XKR6: variants seen among roughly 807,000 people sequenced by gnomAD.
The protein encoded by XKR6 is XK-related protein 6.
In XKR6, 22 loss-of-function variants were observed where a neutral mutation model predicts 56.7. That is an observed-to-expected ratio of 0.39 (90% CI 0.28 to 0.55). The LOEUF (loss-of-function observed/expected upper bound fraction) is 0.55. Ranked by LOEUF, XKR6 falls within the 20% of genes least tolerant of loss-of-function variation. XKR6 has a pLI of 0.66. For synonymous variants in XKR6, 524 were observed against 387.8 expected, an observed-to-expected ratio of 1.35 and a Z score of -4.13; for missense variants, 852 against 889.0, an observed-to-expected ratio of 0.96 and a Z score of 0.53.
intron 1 of XKR6, chr8:11,105,140 G>A (rs917268949): frequency 6.6e-6 from 1 of 152,082 alleles, no homozygotes; most frequent in Non-Finnish European, 1.5e-5. Context: ...GGTCCTCTAG[G>A]CAGAACTGAG....
intron 1 of XKR6, chr8:11,194,389 A>G (rs1803753158): frequency 6.6e-6 from 1 of 152,226 alleles, no homozygotes; most frequent in Non-Finnish European, 1.5e-5. Context: ...TATCTCCAAT[A>G]GCGGTAAGCA....
intron 1 of XKR6, among the ~76,000 whole-genome samples, chr8:11,063,822 C>A (rs1799909411): frequency 1.3e-5 from 2 of 152,312 alleles, no homozygotes; most frequent in Admixed American, 1.3e-4. Context: ...AGATACTCTC[C>A]ATTTGCTGTT....
At chr8:11,126,734 T>C (rs905466785) in intron 1 of XKR6, among the ~76,000 whole-genome samples, 22 of 152,184 alleles carry the variant, frequency 1.4e-4, no homozygotes, top group African/African-American at 4.3e-4. Context: ...AACTGAACCA[T>C]TGGACTAAAA....
intron 1 of XKR6, chr8:11,114,005 C>T (rs1028305011): frequency 4.3e-5 from 17 of 394,928 alleles, no homozygotes; most frequent in South Asian, 2.1e-4. Context: ...GGTTTCAGGA[C>T]GAGGCGATCG....
rs566240862 is a variant in XKR6 at position 11,165,513 on chromosome 8, G to T, written c.764+35063C>A. Among the ~76,000 whole-genome samples, 18 of 152,236 alleles carry T rather than the reference G, an allele frequency of 1.2e-4. No homozygotes were observed. In the South Asian group the frequency reaches 3.7e-3, roughly 32 times the overall value. On this transcript the variant is annotated intron_variant, in intron 1 of 2. Coordinates refer to ENST00000416569, the MANE Select transcript of XKR6 (RefSeq NM_173683.4). ...GACACACAAGGTGAGGGCAATGAGG[G>T]ATGATGAAGAAGATGGCATGCTCTC... is the stretch of plus-strand genomic sequence containing the variant.
At chr8:10,913,876 C>T (rs1447068010) in intron 2 of XKR6, among the ~76,000 whole-genome samples, 4 of 152,164 alleles carry the variant, frequency 2.6e-5, no homozygotes, top group African/African-American at 4.8e-5. Flanking sequence ...AGCAGCAGCA[C>T]GAGGCAGGAG....
rs143075254 is a variant in XKR6, at chr8:11,194,028, AC to A, written c.764+6547del. ...CAAAATGTCCCTATACATAGGTGAC[AC>A]AAAATGAGAATTTGTTTAATAAGTC... On this transcript the variant is annotated intron_variant, in intron 1 of 2. Transcript: ENST00000416569. 3.7e-4 allele frequency among the ~76,000 whole-genome samples: 57 copies of A among 152,358 alleles called. 1 individual carries two copies. The East Asian group carries it at 0.011, about 29-fold the overall frequency.
At chr8:10,971,222 T>G (rs367949206) in intron 1 of XKR6, among the ~76,000 whole-genome samples, 1 of 151,644 alleles carries the variant, frequency 6.6e-6, no homozygotes, top group African/African-American at 2.4e-5. Flanking sequence ...GAGATCAAGA[T>G]CATCCTGGCT....
intron 1 of XKR6, among the ~76,000 whole-genome samples, chr8:10,941,004 C>G (rs1220033859): frequency 6.6e-6 from 1 of 152,190 alleles, no homozygotes; most frequent in Non-Finnish European, 1.5e-5. Flanking sequence ...AGTGACTCGG[C>G]CACCGGGCCA....
intron 1 of XKR6, among the ~76,000 whole-genome samples, chr8:10,967,953 T>A (rs936414558): frequency 6.6e-6 from 1 of 152,094 alleles, no homozygotes; most frequent in Non-Finnish European, 1.5e-5. Flanking sequence ...CCTAGGAGAT[T>A]CCATCAGAGC....
At chr8:11,137,073 T>C (rs1397027952) in intron 1 of XKR6, 2 of 153,488 alleles carry the variant, frequency 1.3e-5, no homozygotes, top group African/African-American at 2.4e-5. Context: ...TGCGTGAAAT[T>C]TGTAAATAAA....
At chr8:11,145,206 G>C (rs1800921544) in intron 1 of XKR6, among the ~76,000 whole-genome samples, 1 of 152,092 alleles carries the variant, frequency 6.6e-6, no homozygotes, top group South Asian at 2.1e-4. Context: ...TAGATTTTCA[G>C]ATATCTACAT....
chr8:11,160,321 A>G (rs1421628612), intron 1 of XKR6, among the ~76,000 whole-genome samples: 3 of 152,174 alleles, frequency 2.0e-5, no homozygotes, highest in East Asian at 1.9e-4. Flanking sequence ...TGAGTAGTCA[A>G]TAAGATGCAG....
chr8:11,087,490 G>A (rs1651542607), intron 1 of XKR6, among the ~76,000 whole-genome samples: 1 of 152,158 alleles, frequency 6.6e-6, no homozygotes, highest in South Asian at 2.1e-4. Context: ...CATGGAGAAG[G>A]CTGGCAGGCT....
chr8:10,995,852 T>G (rs1447686103), intron 1 of XKR6, among the ~76,000 whole-genome samples: 1 of 152,194 alleles, frequency 6.6e-6, no homozygotes, highest in East Asian at 1.9e-4. Context: ...AGGGCAATCC[T>G]TCCTCTTTGG....
At chr8:10,970,835 T>C (rs1046784859) in intron 1 of XKR6, among the ~76,000 whole-genome samples, 5 of 151,612 alleles carry the variant, frequency 3.3e-5, no homozygotes, top group Middle Eastern at 3.4e-3. Flanking sequence ...TCTGTATCAT[T>C]AACAAAATTT....
At chr8:10,908,353 G>T (rs1188402568) in intron 2 of XKR6, among the ~76,000 whole-genome samples, 1 of 150,960 alleles carries the variant, frequency 6.6e-6, no homozygotes, top group Non-Finnish European at 1.5e-5. Flanking sequence ...CCTTAGAAGG[G>T]CCGGCAGGGC....
At chr8:11,087,408 C>G (rs924414395) in intron 1 of XKR6, among the ~76,000 whole-genome samples, 19 of 152,320 alleles carry the variant, frequency 1.2e-4, no homozygotes, top group African/African-American at 4.6e-4. Context: ...TCATGTCAAT[C>G]TCAGCAGTCC....
chr8:10,946,178 A>G (rs1032113053), intron 1 of XKR6, among the ~76,000 whole-genome samples: 7 of 151,870 alleles, frequency 4.6e-5, no homozygotes, highest in African/African-American at 1.7e-4. Flanking sequence ...GCCGGGACCC[A>G]AGTAGCCTAT....
Sources: gnomAD v4.1 joint callset for allele counts (sites outside exome capture counted in the v4.1 genomes callset) on GRCh38, gnomAD v4.1.1 for gene constraint, MANE v1.5 for transcripts, NCBI Gene and HGNC (gene_info 2026-07-23, HGNC 2026-07-21) for gene names.